TASOR2: variants seen among roughly 807,000 people sequenced by gnomAD.
TASOR2 encodes transcription activation suppressor family member 2, also known as protein TASOR 2.
A neutral mutation model predicts 199.5 loss-of-function variants in TASOR2; 84 were observed. The observed-to-expected ratio is 0.42, with a 90% confidence interval of 0.35 to 0.50. The LOEUF (loss-of-function observed/expected upper bound fraction) is 0.50. Ranked by LOEUF, TASOR2 falls within the 20% of genes least tolerant of loss-of-function variation. The probability of loss-of-function intolerance (pLI) is 0.02; values close to 1 mark genes in which losing one functional copy is unlikely to be tolerated. For missense variants in TASOR2, 2,796 were observed against 2,835.9 expected (o/e 0.99, Z 0.32); for synonymous variants, 1,103 against 1,046.6 (o/e 1.05, Z -1.04).
In TASOR2 at chr10:5,685,509, G is replaced by A. The variant is rs918338631; in HGVS notation, c.-288+334G>A. On this transcript the variant is annotated intron_variant, in intron 1 of 20. Transcript: ENST00000328090. This position sits in a 1 kb window ranked among gnomAD's most constrained non-coding sequence, Gnocchi z 5.4. The stretch of plus-strand genomic sequence containing the variant: ...ATATGCTGATAAGTTCTTGGCTGAA[G>A]TTTCCGTCTTCGGGTTTGCACCGGC... 3.3e-5 allele frequency among the ~76,000 whole-genome samples: 5 copies of A among 152,214 alleles called. No homozygotes were observed. Among genetic ancestry groups the A allele is most frequent in the Non-Finnish European group, 7.3e-5 (5 of 68,044 alleles).
intron 2 of TASOR2, 50 bp from the exon 3 acceptor site, chr10:5,714,085 C>A: frequency 3.2e-6 from 3 of 952,126 alleles, no homozygotes; most frequent in Non-Finnish European, 4.1e-6. Context: ...CAGATTATAG[C>A]ATTTTTTCAT....
At position 5,738,052 on chromosome 10, in the gene TASOR2, A is replaced by G. The variant is rs147343335; in HGVS notation, c.1448-1566A>G. On this transcript the variant is annotated intron_variant, in intron 12 of 20. Coordinates refer to ENST00000328090, the Ensembl canonical transcript of TASOR2. The surrounding 1 kb of genome is among the most constrained non-coding windows in gnomAD (Gnocchi z 4.7). Reference sequence around the variant, plus strand: ...TTAAAATATCAACGTTTAAGAAGGCAGATGAAACATAGCCACATTGACCTC... The same window carrying G: ...TTAAAATATCAACGTTTAAGAAGGCGGATGAAACATAGCCACATTGACCTC... Among the ~76,000 whole-genome samples the G allele has an allele frequency of 2.0e-5, 3 of 152,382 alleles. No homozygotes were observed. Among genetic ancestry groups the G allele is most frequent in the Non-Finnish European group, 4.4e-5 (3 of 68,040 alleles).
chr10:5,707,684 C>G (rs993509897), intron 1 of TASOR2, among the ~76,000 whole-genome samples: 3 of 150,938 alleles, frequency 2.0e-5, no homozygotes, highest in South Asian at 2.1e-4. Flanking sequence ...GTCTCCCCCC[C>G]CAACCCCACA....
intron 1 of TASOR2, among the ~76,000 whole-genome samples, chr10:5,704,278 A>C (rs938804558): frequency 6.6e-6 from 1 of 151,984 alleles, no homozygotes; most frequent in Admixed American, 6.6e-5. Context: ...ATGTGGGAAA[A>C]CTTCTGGGCT....
In TASOR2 at chr10:5,752,659, A is replaced by G. The variant is rs1443539457; in HGVS notation, c.6606+2632A>G. Among the ~76,000 whole-genome samples the G allele has an allele frequency of 6.6e-6, 1 of 152,222 alleles. No individual in the cohort carries two copies. The highest frequency in any genetic ancestry group is 1.5e-5 in the Non-Finnish European group (1 of 68,036). On this transcript the variant is annotated intron_variant, in intron 15 of 20. Transcript: ENST00000328090. This position sits in a 1 kb window ranked among gnomAD's most constrained non-coding sequence, Gnocchi z 4.4. Reference sequence around the variant, plus strand: ...CCCCTGGGTGCAGGGTCACAAGACCACTTCTCATCTGGAGTACTAAGGCCA... The same window carrying G: ...CCCCTGGGTGCAGGGTCACAAGACCGCTTCTCATCTGGAGTACTAAGGCCA...
Position 5,742,058 on chromosome 10 carries a change from T to G in TASOR2, c.2328-39T>G, listed in dbSNP as rs1836508570. On this transcript the variant is annotated intron_variant, in intron 13 of 20. Transcript: ENST00000328090. The surrounding 1 kb of genome is among the most constrained non-coding windows in gnomAD (Gnocchi z 4.2). Reference sequence around the variant, plus strand: ...TAAGGTAATCAACTAAAATAACCATTTTCAATGATTTTCATGTGTTCTTTC... The same window carrying G: ...TAAGGTAATCAACTAAAATAACCATGTTCAATGATTTTCATGTGTTCTTTC... 6.3e-7 allele frequency: 1 copy of G among 1,580,500 alleles called. No homozygotes were observed. The highest frequency in any genetic ancestry group is 1.4e-5 in the African/African-American group (1 of 72,924).
exon 13 of TASOR2, chr10:5,739,729 A>T: frequency 6.2e-7 from 1 of 1,614,188 alleles, no homozygotes; most frequent in Non-Finnish European, 8.5e-7. Flanking sequence ...GCTCACAATG[A>T]TCTTCCTGAA....
chr10:5,744,372 G>A (rs776629214), intron 14 of TASOR2, among the ~76,000 whole-genome samples: 2 of 152,036 alleles, frequency 1.3e-5, no homozygotes, highest in African/African-American at 2.4e-5. Flanking sequence ...GCACGATCTC[G>A]GCTCACTGCA....
Position 5,742,383 on chromosome 10 carries a change from A to G in TASOR2, c.2614A>G (p.Asn872Asp), listed in dbSNP as rs749804544. The G allele has an allele frequency of 4.3e-6, 7 of 1,614,008 alleles. No individual in the cohort carries two copies. The highest frequency in any genetic ancestry group is 1.1e-5 in the South Asian group (1 of 91,082). Residue 872 changes from asparagine (N) to aspartate (D), a missense_variant, in exon 14 of 21, where the codon AAC becomes GAC. Around this residue, in one of 3 missense-constraint regions of TASOR2, gnomAD observed 1,941 missense variants for 1,924.9 expected, o/e 1.01. Transcript: ENST00000328090. This position sits in a 1 kb window ranked among gnomAD's most constrained non-coding sequence, Gnocchi z 4.2. ...TGCTGAAGTATCCTTCCGTGATCCT[A>G]ACTGCTTGCTTCCTTTCATTAAAAC...
At chr10:5,697,350 G>C (rs997564304) in intron 1 of TASOR2, among the ~76,000 whole-genome samples, 7 of 152,216 alleles carry the variant, frequency 4.6e-5, no homozygotes, top group Admixed American at 2.6e-4. Flanking sequence ...AGTTCCAACA[G>C]TTCTGTGACA....
exon 20 of TASOR2, chr10:5,762,619 TAGC>T (rs775313474): frequency 3.1e-5 from 46 of 1,465,806 alleles, no homozygotes; most frequent in South Asian, 3.0e-4. Flanking sequence ...ATAGAAAAAA[TAGC>T]AGCTCCATTT....
chr10:5,712,793 G>T, intron 1 of TASOR2, 30 bp from the exon 2 acceptor site: 1 of 1,086,592 alleles, frequency 9.2e-7, no homozygotes, highest in Non-Finnish European at 1.2e-6. Flanking sequence ...TGTTTATAGC[G>T]TTTGGTTATT....
intron 19 of TASOR2, among the ~76,000 whole-genome samples, chr10:5,762,181 C>T (rs1253558936): frequency 6.7e-6 from 1 of 149,722 alleles, no homozygotes; most frequent in African/African-American, 2.5e-5. Context: ...AAGGATTGCT[C>T]GAGGCTGCAG....
In TASOR2 at chr10:5,748,505, A is replaced by G. The variant is rs1316218363; in HGVS notation, c.5084A>G (p.Lys1695Arg). 1.5e-5 allele frequency: 24 copies of G among 1,613,796 alleles called. No individual in the cohort carries two copies. The highest frequency in any genetic ancestry group is 1.9e-5 in the Non-Finnish European group (23 of 1,180,046). ...GCAGGCAGAATGGCCAGTTTGCTTA[A>G]GAATGGTGAGCCTGAAGCTGAGTTA... is the stretch of plus-strand genomic sequence containing the variant. The change falls in exon 15 of 21, where the codon AAG becomes AGG. Residue 1695 changes from lysine to arginine, a missense_variant. Around this residue, in one of 3 missense-constraint regions of TASOR2, gnomAD observed 1,941 missense variants for 1,924.9 expected, o/e 1.01. Transcript: ENST00000328090. The surrounding 1 kb of genome is among the most constrained non-coding windows in gnomAD (Gnocchi z 5.1).
intron 1 of TASOR2, among the ~76,000 whole-genome samples, chr10:5,703,503 ATTTT>A (rs371366460): frequency 1.8e-5 from 2 of 110,258 alleles, no homozygotes; most frequent in Non-Finnish European, 3.5e-5. Flanking sequence ...GGTTTTTCTG[ATTTT>A]TTTTTTTTTT....
exon 11 of TASOR2, chr10:5,731,058 C>T (rs1263464707): frequency 6.2e-6 from 10 of 1,613,946 alleles, no homozygotes. Context: ...AGAGGAAGGC[C>T]AGCATGCCCC....
rs139844906 is a variant in TASOR2, at chr10:5,722,057, T to C, written c.146+1087T>C. ...TGTTTTCTTTTTTTGTGAAGGAACT[T>C]AGTGAGACAGTTGGCAGCATTTGAA... On this transcript the variant is annotated intron_variant, in intron 6 of 20. Coordinates refer to ENST00000328090, the Ensembl canonical transcript of TASOR2. This position sits in a 1 kb window ranked among gnomAD's most constrained non-coding sequence, Gnocchi z 4.0. Among the ~76,000 whole-genome samples, 7 of 152,224 alleles carry C rather than the reference T, an allele frequency of 4.6e-5. No individual in the cohort carries two copies. The East Asian group carries it at 1.3e-3, about 29-fold the overall frequency.
intron 1 of TASOR2, among the ~76,000 whole-genome samples, chr10:5,711,580 A>G (rs1204200213): frequency 6.6e-6 from 1 of 152,156 alleles, no homozygotes; most frequent in African/African-American, 2.4e-5. Flanking sequence ...TCCGTAGGTC[A>G]TTAGGCTCAG....
At chr10:5,725,599 T>C (rs920052419) in intron 8 of TASOR2, among the ~76,000 whole-genome samples, 1 of 120,176 alleles carries the variant, frequency 8.3e-6, no homozygotes, top group African/African-American at 3.3e-5. Flanking sequence ...AGATCTTATC[T>C]CTACCAAAAT....
Sources: allele counts gnomAD v4.1 joint callset (sites outside exome capture counted in the v4.1 genomes callset), GRCh38; gene constraint gnomAD v4.1.1; regional missense constraint gnomAD v4.1.1; non-coding constraint Gnocchi (gnomAD v3.1); transcripts MANE v1.5; gene names NCBI Gene and HGNC (gene_info 2026-07-23, HGNC 2026-07-21).